The following MALT1 variants were observed in gnomAD, a reference collection of about 807,000 sequenced individuals.
The protein encoded by MALT1 is mucosa-associated lymphoid tissue lymphoma translocation protein 1.
MALT1 carries 36 observed loss-of-function variants against 85.5 expected under a neutral mutation model. The ratio of observed to expected loss-of-function variants is 0.42; its 90% CI spans 0.32 to 0.56. The LOEUF (loss-of-function observed/expected upper bound fraction) is 0.56, where lower values mean the gene tolerates loss of function less well. Ranked by LOEUF, MALT1 falls within the 20% of genes least tolerant of loss-of-function variation. MALT1 has a pLI of 0.10. For synonymous variants in MALT1, 359 were observed against 361.3 expected (o/e 0.99, Z 0.07); for missense variants, 716 against 981.6 (o/e 0.73, Z 3.62).
At chr18:58,735,167 C>T (rs1443405681) in intron 12 of MALT1, 35 bp from the exon 13 acceptor site, 1 of 1,580,760 alleles carries the variant, frequency 6.3e-7, no homozygotes, top group Non-Finnish European at 8.6e-7. Context: ...ATTTGCCTTT[C>T]TGTGCCTGGC....
Position 58,745,565 on chromosome 18 carries a change from TTCAC to T in MALT1, c.1912-100_1912-97del, listed in dbSNP as rs2055354718. ...TACCAAAATTCACGAGAGGCCAGAA[TTCAC>T]GAGAGGATAGTATCAGTTAAGATGT... is the stretch of plus-strand genomic sequence containing the variant. On this transcript the variant is annotated intron_variant, in intron 15 of 16. Transcript: ENST00000649217. 5 of 1,035,036 alleles carry T rather than the reference TTCAC, an allele frequency of 4.8e-6. No individual in the cohort carries two copies. In the South Asian group the frequency reaches 6.4e-5, roughly 13 times the overall value. The allele number at this position is 1,035,036 out of a possible 1,614,324, so 64.1% of individuals were successfully genotyped here.
At chr18:58,685,087 T>G (rs2054381989) in intron 2 of MALT1, among the ~76,000 whole-genome samples, 1 of 152,130 alleles carries the variant, frequency 6.6e-6, no homozygotes, top group African/African-American at 2.4e-5. Context: ...TATAGTAAGT[T>G]TATCTGATCT....
At chr18:58,744,565 T>TTAAAGTTGATGGTAAATATA in intron 15 of MALT1, 70 bp downstream of exon 15, 1 of 829,938 alleles carries the variant, frequency 1.2e-6, no homozygotes, top group Non-Finnish European at 1.8e-6. Context: ...TTTTTAAAAC[T>TTAAAGTTGATGGTAAATATA]TAAAGTTGAT....
Position 58,733,854 on chromosome 18 carries a change from T to TATTA in MALT1, c.1400+280_1400+281insATTA, listed in dbSNP as rs1287773077. ...CTCTCCAGAATGCCTTTAGATGACT[T>TATTA]TAATAATCACTATAGTTATTCCCTC... On this transcript the variant is annotated intron_variant, in intron 11 of 16. Coordinates refer to ENST00000649217, the MANE Select transcript of MALT1 (RefSeq NM_006785.4). 8.1e-5 allele frequency: 97 copies of TATTA among 1,196,164 alleles called. No individual in the cohort carries two copies. The South Asian group carries it at 2.1e-3, about 26-fold the overall frequency. 74.1% of individuals were successfully genotyped at this position (1,196,164 alleles called of 1,614,324 possible). A position where few individuals can be genotyped will look rare whatever the true frequency, so the allele number is the denominator to read the frequency against.
chr18:58,694,545 A>C (rs4940741), intron 2 of MALT1, among the ~76,000 whole-genome samples: 66,042 of 152,050 alleles, frequency 0.43, 15,542 homozygotes, highest in African/African-American at 0.63. Flanking sequence ...CTTTTTCTTT[A>C]CTTCCTAAAA....
intron 7 of MALT1, among the ~76,000 whole-genome samples, 191 bp downstream of exon 7, chr18:58,711,144 G>A (rs2054825918): frequency 1.3e-5 from 2 of 152,158 alleles, no homozygotes; most frequent in South Asian, 4.1e-4. Context: ...AATTGACACA[G>A]TATTACAATA....
At chr18:58,705,430 C>T (rs1201353942) in intron 4 of MALT1, among the ~76,000 whole-genome samples, 6 of 150,056 alleles carry the variant, frequency 4.0e-5, no homozygotes, top group Admixed American at 6.6e-5. Flanking sequence ...CCCACTATCT[C>T]GTCATCTAGC....
At chr18:58,693,701 G>A (rs1052282921) in intron 2 of MALT1, among the ~76,000 whole-genome samples, 4 of 152,180 alleles carry the variant, frequency 2.6e-5, no homozygotes, top group African/African-American at 9.7e-5. Flanking sequence ...TAACCAGATG[G>A]ATGGTGGTAG....
intron 8 of MALT1, 82 bp downstream of exon 8, chr18:58,714,191 T>C (rs1216731135): frequency 1.8e-5 from 11 of 617,644 alleles, no homozygotes; most frequent in Non-Finnish European, 3.1e-5. Context: ...ACTCTTTTGC[T>C]ACAGTAATAC....
At chr18:58,733,051 C>T (rs1416707686) in intron 10 of MALT1, among the ~76,000 whole-genome samples, 1 of 152,000 alleles carries the variant, frequency 6.6e-6, no homozygotes, top group Non-Finnish European at 1.5e-5. Context: ...GCTGGGATTA[C>T]AGGTGCCCAC....
At position 58,747,347 on chromosome 18, in the gene MALT1, A is replaced by AGATT. The variant is rs1490207178; in HGVS notation, c.2038-54_2038-51dup. ...GGGGTGTGTATGTGTGAATATTTTC[A>AGATT]GATTGATATATATTCACTGTTGATG... On this transcript the variant is annotated intron_variant, in intron 16 of 16. Coordinates refer to ENST00000649217, the MANE Select transcript of MALT1 (RefSeq NM_006785.4). The AGATT allele has an allele frequency of 3.7e-6, 4 of 1,092,724 alleles. No individual in the cohort carries two copies. The East Asian group carries it at 7.1e-5, about 19-fold the overall frequency. The allele number at this position is 1,092,724 out of a possible 1,614,324, so 67.7% of individuals were successfully genotyped here.
intron 13 of MALT1, 33 bp downstream of exon 13, chr18:58,735,362 A>T: frequency 6.4e-7 from 1 of 1,573,754 alleles, no homozygotes; most frequent in African/African-American, 1.4e-5. Flanking sequence ...AAGTACTCAG[A>T]AAAAGGAGAG....
At position 58,741,922 on chromosome 18, in the gene MALT1, T is replaced by G; in HGVS notation, c.1661T>G (p.Leu554Ter). Reference sequence around the variant, plus strand: ...CAGGCTCTAGAGATTCGAAGTAGTTTATCTGAGAAGAGAGCACTTACTGAT... The same window carrying G: ...CAGGCTCTAGAGATTCGAAGTAGTTGATCTGAGAAGAGAGCACTTACTGAT... ...GKQALEIRSS[L>*]SEKRALTDPI... Residue 554 changes from leucine (L) to a stop codon, truncating the protein, a stop_gained, in exon 14 of 17, where the codon TTA becomes TGA. Coordinates refer to ENST00000649217, the MANE Select transcript of MALT1 (RefSeq NM_006785.4). LOFTEE classifies it high-confidence loss of function. 1 of 1,569,546 alleles carries G rather than the reference T, an allele frequency of 6.4e-7. No individual in the cohort carries two copies. The highest frequency in any genetic ancestry group is 2.3e-5 in the East Asian group (1 of 44,338).
chr18:58,727,730 G>C (rs770644228), intron 10 of MALT1, among the ~76,000 whole-genome samples: 7 of 150,744 alleles, frequency 4.6e-5, no homozygotes, highest in Non-Finnish European at 1.0e-4. Context: ...TCTGAGAGTC[G>C]AGTTACCTAA....
intron 2 of MALT1, among the ~76,000 whole-genome samples, chr18:58,691,872 C>CAAAAAAA (rs34428404): frequency 1.5e-5 from 2 of 134,768 alleles, no homozygotes; most frequent in African/African-American, 5.5e-5. Flanking sequence ...GACTCCGTCT[C>CAAAAAAA]AAAAAAAAAA....
chr18:58,704,245 C>T (rs2054714027), intron 4 of MALT1, among the ~76,000 whole-genome samples: 1 of 152,182 alleles, frequency 6.6e-6, no homozygotes, highest in African/African-American at 2.4e-5. Context: ...TTTTTCTTAA[C>T]TGCCAAAGTT....
intron 9 of MALT1, among the ~76,000 whole-genome samples, chr18:58,717,050 G>A (rs548153856): frequency 6.6e-5 from 10 of 152,220 alleles, no homozygotes; most frequent in Middle Eastern, 3.4e-3. Flanking sequence ...GTAATTAGGC[G>A]TAGTAATATG....
intron 4 of MALT1, among the ~76,000 whole-genome samples, chr18:58,704,927 A>T (rs2054724655): frequency 6.6e-6 from 1 of 151,850 alleles, no homozygotes; most frequent in South Asian, 2.1e-4. Flanking sequence ...TAATGTGATT[A>T]TGTTTAAGTC....
At chr18:58,741,561 AC>A (rs1208325849) in intron 13 of MALT1, 1 of 180,894 alleles carries the variant, frequency 5.5e-6, no homozygotes, top group African/African-American at 2.3e-5. Flanking sequence ...GTATCCATAT[AC>A]ATTAGTCTAT....
Sources: allele counts gnomAD v4.1 joint callset (sites outside exome capture counted in the v4.1 genomes callset), GRCh38; gene constraint gnomAD v4.1.1; transcripts MANE v1.5; gene names NCBI Gene and HGNC (gene_info 2026-07-23, HGNC 2026-07-21).